The following CCDC158 variants were observed in gnomAD, a reference collection of about 807,000 sequenced individuals.
CCDC158 encodes coiled-coil domain containing 158, also known as coiled-coil domain-containing protein 158.
A neutral mutation model predicts 138.6 loss-of-function variants in CCDC158; 116 were observed. That is an observed-to-expected ratio of 0.84 (90% confidence interval 0.72 to 0.98). CCDC158 has a LOEUF of 0.98. Ranked by LOEUF, CCDC158 falls within the 50% of genes least tolerant of loss-of-function variation. The probability of loss-of-function intolerance (pLI) is 0.00; values close to 1 mark genes in which losing one functional copy is unlikely to be tolerated. For missense variants in CCDC158, 1,265 were observed against 1,306.1 expected, an observed-to-expected ratio of 0.97 and a Z score of 0.48; for synonymous variants, 436 against 442.4, an observed-to-expected ratio of 0.99 and a Z score of 0.18.
At chr4:76,319,589 C>T (rs1335215111) in intron 24 of CCDC158, among the ~76,000 whole-genome samples, 2 of 142,236 alleles carry the variant, frequency 1.4e-5, no homozygotes, top group Non-Finnish European at 3.0e-5. Flanking sequence ...AAAGATAATA[C>T]ACCATGATCA....
At chr4:76,318,712 G>C (rs1184733884) in intron 24 of CCDC158, among the ~76,000 whole-genome samples, 1 of 152,006 alleles carries the variant, frequency 6.6e-6, no homozygotes, top group African/African-American at 2.4e-5. Flanking sequence ...AACAAAAAAA[G>C]AAAACTACAG....
chr4:76,367,537 T>C lies in CCDC158; in HGVS notation c.1587A>G (p.Lys529=). The part of the protein sequence containing the change: ...ITKLRSRVDL[K]LQELQHLKNE... ...TTTTCAAGTGTTGCAGCTCCTGCAATTTCAAGTCCACCCGGGAGCGGAGCT... is the reference window on the plus strand; with the variant it reads ...TTTTCAAGTGTTGCAGCTCCTGCAACTTCAAGTCCACCCGGGAGCGGAGCT... The change falls in exon 12 of 25, where the codon AAA becomes AAG. Residue 529 remains lysine (K), a synonymous_variant. Coordinates refer to ENST00000682701, the MANE Select transcript of CCDC158 (RefSeq NM_001394954.1). 11 of 1,614,084 alleles carry C rather than the reference T, an allele frequency of 6.8e-6. No homozygotes were observed. Among genetic ancestry groups the C allele is most frequent in the Non-Finnish European group, 9.3e-6 (11 of 1,180,046 alleles).
At chr4:76,397,510 A>G (rs900762226) in intron 3 of CCDC158, among the ~76,000 whole-genome samples, 1 of 152,258 alleles carries the variant, frequency 6.6e-6, no homozygotes, top group African/African-American at 2.4e-5. Flanking sequence ...AAATAACATT[A>G]GAACACAGTG....
At position 76,357,377 on chromosome 4, in the gene CCDC158, G is replaced by A. The variant is rs545306132; in HGVS notation, c.2170C>T (p.His724Tyr). ...TTTTAAATCTAACAGAGCATACCAT[G>A]ACCATCAGATCCTTCCATTGACTTT... ...TLKSMEGSDG[H>Y]AMKVAMGMQK... Residue 724 changes from histidine to tyrosine, a missense_variant, in exon 14 of 25, where the codon CAT (histidine) becomes TAT (tyrosine). Coordinates refer to ENST00000682701, the MANE Select transcript of CCDC158 (RefSeq NM_001394954.1). 2.0e-6 allele frequency: 3 copies of A among 1,531,990 alleles called. No homozygotes were observed. Among genetic ancestry groups the A allele is most frequent in the African/African-American group, 2.8e-5 (2 of 71,468 alleles). The allele number at this position is 1,531,990 out of a possible 1,614,324, so 94.9% of individuals were successfully genotyped here. A position where few individuals can be genotyped will look rare whatever the true frequency, so the allele number is the denominator to read the frequency against.
chr4:76,346,137 G>A lies in CCDC158; in HGVS notation c.2664+4859C>T, dbSNP rs529231165. Among the ~76,000 whole-genome samples the A allele has an allele frequency of 2.2e-4, 34 of 152,248 alleles. No homozygotes were observed. The South Asian group carries it at 6.8e-3, about 31-fold the overall frequency. On this transcript the variant is annotated intron_variant, in intron 18 of 24. Transcript: ENST00000682701. ...CAAACCCAACAAAAACAAGAAATGG[G>A]GAAAGGATTCCCTAATTTAATAAAT...
At chr4:76,411,042 T>C (rs1729256007) in intron 2 of CCDC158, among the ~76,000 whole-genome samples, 1 of 152,222 alleles carries the variant, frequency 6.6e-6, no homozygotes, top group Non-Finnish European at 1.5e-5. Context: ...AACTGCGGCC[T>C]TCCTACATAG....
At chr4:76,380,460 T>C (rs773464375) in intron 8 of CCDC158, among the ~76,000 whole-genome samples, 56 of 152,200 alleles carry the variant, frequency 3.7e-4, no homozygotes, top group Non-Finnish European at 5.0e-4. Flanking sequence ...AACTTTGATC[T>C]AGACAGAGAT....
At chr4:76,336,159 T>C (rs1383338966) in intron 18 of CCDC158, among the ~76,000 whole-genome samples, 1 of 110,560 alleles carries the variant, frequency 9.0e-6, no homozygotes, top group Non-Finnish European at 1.7e-5. Context: ...TCCAGCCTGG[T>C]GGACAGAGTG....
intron 2 of CCDC158, among the ~76,000 whole-genome samples, chr4:76,405,742 C>G (rs1728768862): frequency 6.6e-6 from 1 of 152,020 alleles, no homozygotes; most frequent in African/African-American, 2.4e-5. Context: ...AGTCAAAGGA[C>G]ACCACTTAAA....
At chr4:76,419,953 A>G (rs1193710349) in intron 1 of CCDC158, among the ~76,000 whole-genome samples, 1 of 147,766 alleles carries the variant, frequency 6.8e-6, no homozygotes, top group African/African-American at 2.5e-5. Flanking sequence ...CATACTAGAT[A>G]AAACTAAGTC....
At position 76,334,143 on chromosome 4, in the gene CCDC158, T is replaced by C. The variant is rs767062503; in HGVS notation, c.2689A>G (p.Lys897Glu). 6.2e-7 allele frequency: 1 copy of C among 1,612,498 alleles called. No homozygotes were observed. Among genetic ancestry groups the C allele is most frequent in the Non-Finnish European group, 8.5e-7 (1 of 1,179,024 alleles). Residue 897 changes from lysine (K) to glutamate (E), a missense_variant, in exon 19 of 25, where the codon AAG (lysine) becomes GAG (glutamate). Coordinates refer to ENST00000682701, the MANE Select transcript of CCDC158 (RefSeq NM_001394954.1). The part of the protein sequence containing the change: ...SHHSTKANTL[K>E]EDPTRDLKQL... ...TTCAGGTCCCTTGTTGGATCTTCCT[T>C]CAGTGTGTTAGCTTTTGTAGAGTGC... is the stretch of plus-strand genomic sequence containing the variant.
intron 9 of CCDC158, 54 bp from the exon 10 acceptor site, chr4:76,371,590 A>G: frequency 6.3e-7 from 1 of 1,577,800 alleles, no homozygotes; most frequent in South Asian, 1.1e-5. Context: ...GGGTAATATA[A>G]AATAAATATA....
intron 4 of CCDC158, among the ~76,000 whole-genome samples, chr4:76,394,251 G>A (rs1452862483): frequency 6.6e-6 from 1 of 152,118 alleles, no homozygotes; most frequent in Non-Finnish European, 1.5e-5. Flanking sequence ...ACAGATGAAT[G>A]GATATAGAAA....
chr4:76,405,113 T>A (rs1728713638), intron 2 of CCDC158, among the ~76,000 whole-genome samples: 1 of 152,130 alleles, frequency 6.6e-6, no homozygotes, highest in South Asian at 2.1e-4. Context: ...ATTAAGACTT[T>A]AAAGATAATG....
At chr4:76,324,397 G>A (rs1193342661) in intron 23 of CCDC158, among the ~76,000 whole-genome samples, 2 of 152,114 alleles carry the variant, frequency 1.3e-5, no homozygotes, top group Admixed American at 6.5e-5. Context: ...ATGTTGGTTA[G>A]GCTGGTCTTG....
intron 24 of CCDC158, among the ~76,000 whole-genome samples, chr4:76,319,869 A>G (rs1399122240): frequency 6.6e-6 from 1 of 152,148 alleles, no homozygotes; most frequent in Non-Finnish European, 1.5e-5. Flanking sequence ...GCATTTTCCA[A>G]GAGAACTTGT....
At chr4:76,386,993 A>T (rs1261689034) in intron 4 of CCDC158, among the ~76,000 whole-genome samples, 1 of 152,162 alleles carries the variant, frequency 6.6e-6, no homozygotes, top group Non-Finnish European at 1.5e-5. Context: ...AAGGCAGCCT[A>T]GGACACAAGG....
At chr4:76,406,387 CG>C (rs1273814294) in intron 2 of CCDC158, among the ~76,000 whole-genome samples, 2 of 152,064 alleles carry the variant, frequency 1.3e-5, no homozygotes, top group African/African-American at 4.8e-5. Flanking sequence ...GAGGCTTTAA[CG>C]GACAATTAGT....
In CCDC158 at chr4:76,384,157, G is replaced by A; in HGVS notation, c.657C>T (p.Gly219=). ...SMSTLHFRSL[G]SAISKILREL... is the part of the protein sequence containing the mutation. ...CTCTTAGTATTTTACTAATAGCTGA[G>A]CCCAAGCTGCGGAAGTGCAGAGTAG... The change falls in exon 6 of 25, where the codon GGC becomes GGT. Residue 219 remains glycine, a synonymous_variant. Transcript: ENST00000682701. The A allele has an allele frequency of 6.2e-7, 1 of 1,614,030 alleles. No homozygotes were observed. The highest frequency in any genetic ancestry group is 8.5e-7 in the Non-Finnish European group (1 of 1,179,964).
Sources: gnomAD v4.1 joint callset for allele counts (sites outside exome capture counted in the v4.1 genomes callset) on GRCh38, gnomAD v4.1.1 for gene constraint, MANE v1.5 for transcripts, NCBI Gene and HGNC (gene_info 2026-07-23, HGNC 2026-07-21) for gene names.